COL22A1: variants seen among roughly 807,000 people sequenced by gnomAD.
COL22A1 encodes the protein collagen type XXII alpha 1 chain.
COL22A1 carries 221 observed loss-of-function variants against 248.9 expected under a neutral mutation model. That is an observed-to-expected ratio of 0.89 (90% CI 0.80 to 0.99). COL22A1 has a LOEUF of 0.99. Ranked by LOEUF, COL22A1 falls within the 50% of genes least tolerant of loss-of-function variation. The pLI, the probability that COL22A1 is intolerant of heterozygous loss-of-function variation, is 0.00. For synonymous variants in COL22A1, 891 were observed against 793.4 expected, an observed-to-expected ratio of 1.12 and a Z score of -2.07; for missense variants, 2,240 against 2,179.0, an observed-to-expected ratio of 1.03 and a Z score of -0.56.
intron 23 of COL22A1, among the ~76,000 whole-genome samples, chr8:138,733,259 A>G (rs1830844501): frequency 6.6e-6 from 1 of 152,262 alleles, no homozygotes; most frequent in African/African-American, 2.4e-5. Context: ...AAAGGCTGCC[A>G]GGATACAGGA....
chr8:138,888,313 A>T (rs1357693310), intron 1 of COL22A1, among the ~76,000 whole-genome samples: 1 of 152,096 alleles, frequency 6.6e-6, no homozygotes, highest in Non-Finnish European at 1.5e-5. Context: ...AGAGGTGGGG[A>T]TGTCCATCAC....
chr8:138,779,582 C>A lies in COL22A1; in HGVS notation c.1651-20G>T. 6.2e-7 allele frequency: 1 copy of A among 1,600,730 alleles called. No homozygotes were observed. Among genetic ancestry groups the A allele is most frequent in the Non-Finnish European group, 8.6e-7 (1 of 1,167,800 alleles). Reference sequence around the variant, plus strand: ...CTCCCCCTGAACAAACAAAACAACACAAAGTCATAGGCAGTGGGACACAGG... The same window carrying A: ...CTCCCCCTGAACAAACAAAACAACAAAAAGTCATAGGCAGTGGGACACAGG... On this transcript the variant is annotated intron_variant, in intron 13 of 64. Transcript: ENST00000303045.
At chr8:138,632,437 A>G (rs1820801898) in intron 49 of COL22A1, among the ~76,000 whole-genome samples, 1 of 152,216 alleles carries the variant, frequency 6.6e-6, no homozygotes, top group South Asian at 2.1e-4. Context: ...CCTTCCATGA[A>G]TATAAGTGTC....
chr8:138,892,869 G>A (rs1489111653), intron 1 of COL22A1, among the ~76,000 whole-genome samples: 1 of 152,246 alleles, frequency 6.6e-6, no homozygotes, highest in East Asian at 1.9e-4. Context: ...TGCGGGTGGG[G>A]GCTGGGGGAA....
At chr8:138,705,529 C>G (rs183871367) in intron 30 of COL22A1, among the ~76,000 whole-genome samples, 6,642 of 152,228 alleles carry the variant, frequency 0.044, 193 homozygotes, top group East Asian at 0.12. Flanking sequence ...TCCAGCCAAA[C>G]TAAGCTTCAT....
intron 5 of COL22A1, among the ~76,000 whole-genome samples, chr8:138,830,642 C>T (rs868746468): frequency 9.9e-5 from 15 of 152,190 alleles, no homozygotes; most frequent in Middle Eastern, 3.2e-3. Context: ...TGCCTGAATT[C>T]GGCCGCTTTG....
In COL22A1 at chr8:138,679,487, T is replaced by C. The variant is rs1444955953; in HGVS notation, c.3072+130A>G. On this transcript the variant is annotated intron_variant, in intron 40 of 64. Coordinates refer to ENST00000303045, the MANE Select transcript of COL22A1 (RefSeq NM_152888.3). ...TCCCCTTGTCTGGGATCTTCTTCCA[T>C]CCATGTTCTAAGCTTCCAAAGCCTA... 59 of 773,494 alleles carry C rather than the reference T, an allele frequency of 7.6e-5. No homozygotes were observed. The South Asian group carries it at 8.7e-4, about 11-fold the overall frequency. The allele number at this position is 773,494 out of a possible 1,614,324, so 47.9% of individuals were successfully genotyped here.
Position 138,898,920 on chromosome 8 carries a change from T to C in COL22A1, c.-73+14699A>G, listed in dbSNP as rs182291029. Reference sequence around the variant, plus strand: ...TCCCTATGAGGAAGCAGCATCATCTTTAAGAAAACAAAAATACAAAAAAAC... The same window carrying C: ...TCCCTATGAGGAAGCAGCATCATCTCTAAGAAAACAAAAATACAAAAAAAC... On this transcript the variant is annotated intron_variant, in intron 1 of 64. Coordinates refer to ENST00000303045, the MANE Select transcript of COL22A1 (RefSeq NM_152888.3). 3.3e-5 allele frequency among the ~76,000 whole-genome samples: 5 copies of C among 152,320 alleles called. No individual in the cohort carries two copies. In the East Asian group the frequency reaches 9.6e-4, roughly 29 times the overall value.
intron 5 of COL22A1, among the ~76,000 whole-genome samples, chr8:138,829,403 G>GGT (rs1819848542): frequency 1.1e-5 from 1 of 90,656 alleles, no homozygotes; most frequent in Admixed American, 1.6e-4. Context: ...TTCCTTTCCT[G>GGT]TTTTTTTTTT....
Position 138,724,621 on chromosome 8 carries a change from C to A in COL22A1, c.2241G>T (p.Gly747=). 6.2e-7 allele frequency: 1 copy of A among 1,614,118 alleles called. No homozygotes were observed. Among genetic ancestry groups the A allele is most frequent in the Non-Finnish European group, 8.5e-7 (1 of 1,179,988 alleles). Reference sequence around the variant, plus strand: ...GATGTTTCCGAACACTCACCGTGGGCCCAGGAGGTCCAGGCTTTCCCGGGA... The same window carrying A: ...GATGTTTCCGAACACTCACCGTGGGACCAGGAGGTCCAGGCTTTCCCGGGA... The part of the protein sequence containing the change: ...IGFPGKPGPP[G]PTGPPGKDGP... Residue 747 remains glycine (G), a synonymous_variant, in exon 25 of 65, where the codon GGG becomes GGT. Transcript: ENST00000303045.
intron 32 of COL22A1, among the ~76,000 whole-genome samples, chr8:138,697,101 C>T (rs558089352): frequency 6.2e-4 from 94 of 152,252 alleles, no homozygotes; most frequent in African/African-American, 2.1e-3. Flanking sequence ...AGAAGGACTC[C>T]AGATGCTCAA....
chr8:138,727,834 T>G (rs1830434828), intron 23 of COL22A1, among the ~76,000 whole-genome samples: 1 of 152,086 alleles, frequency 6.6e-6, no homozygotes, highest in Admixed American at 6.6e-5. Context: ...GGTTCCAACC[T>G]GGGTCCTCCC....
chr8:138,855,631 C>T (rs1012019714), intron 3 of COL22A1, among the ~76,000 whole-genome samples: 3 of 152,196 alleles, frequency 2.0e-5, no homozygotes, highest in Non-Finnish European at 4.4e-5. Context: ...TTGAATCCCC[C>T]CAGGAACAAG....
chr8:138,767,832 C>T (rs1834028912), intron 16 of COL22A1, among the ~76,000 whole-genome samples: 1 of 152,220 alleles, frequency 6.6e-6, no homozygotes, highest in East Asian at 1.9e-4. Context: ...CCGCCGGCTG[C>T]CCGTGCCTGA....
chr8:138,735,034 G>A (rs1445984383), intron 23 of COL22A1, among the ~76,000 whole-genome samples: 1 of 152,154 alleles, frequency 6.6e-6, no homozygotes, highest in African/African-American at 2.4e-5. Flanking sequence ...GGGGAAAGGG[G>A]AGGGAGAGCA....
intron 16 of COL22A1, among the ~76,000 whole-genome samples, chr8:138,766,595 A>C (rs907401734): frequency 5.9e-5 from 9 of 152,066 alleles, no homozygotes; most frequent in African/African-American, 2.2e-4. Flanking sequence ...GACAGGAGAG[A>C]GATAAAGAGA....
intron 35 of COL22A1, 27 bp from the exon 36 acceptor site, chr8:138,690,901 GC>G (rs1826794369): frequency 6.3e-7 from 1 of 1,591,842 alleles, no homozygotes; most frequent in East Asian, 2.3e-5. Context: ...GTTTAGAAAG[GC>G]CAAACGCATT....
intron 41 of COL22A1, among the ~76,000 whole-genome samples, chr8:138,673,095 C>T (rs1034808935): frequency 6.6e-6 from 1 of 152,192 alleles, no homozygotes; most frequent in Non-Finnish European, 1.5e-5. Context: ...CAGAGATTGG[C>T]AGACAGAGCT....
intron 1 of COL22A1, among the ~76,000 whole-genome samples, chr8:138,898,478 A>G (rs1415304143): frequency 6.6e-6 from 1 of 152,144 alleles, no homozygotes; most frequent in Non-Finnish European, 1.5e-5. Context: ...CTTGCCTTAA[A>G]TGCCCATAAG....
Sources: gnomAD v4.1 joint callset for allele counts (sites outside exome capture counted in the v4.1 genomes callset) on GRCh38, gnomAD v4.1.1 for gene constraint, MANE v1.5 for transcripts, NCBI Gene and HGNC (gene_info 2026-07-23, HGNC 2026-07-21) for gene names.